The following MCTP1 variants were observed in gnomAD, a reference collection of about 807,000 sequenced individuals.
The protein encoded by MCTP1 is multiple C2 and transmembrane domain containing 1.
In MCTP1, 69 loss-of-function variants were observed where a neutral mutation model predicts 120.6. The ratio of observed to expected loss-of-function variants is 0.57; its 90% CI spans 0.47 to 0.70. The LOEUF is 0.70. Ranked by LOEUF, MCTP1 falls within the 30% of genes least tolerant of loss-of-function variation. The pLI is 0.00. For missense variants in MCTP1, 1,203 were observed against 1,248.8 expected (o/e 0.96, Z 0.55); for synonymous variants, 529 against 493.1 (o/e 1.07, Z -0.96).
intron 18 of MCTP1, among the ~76,000 whole-genome samples, chr5:94,797,094 C>T (rs978788064): frequency 6.6e-6 from 1 of 152,000 alleles, no homozygotes. Flanking sequence ...ATATGATATG[C>T]AATTTTTCAA....
At chr5:95,081,721 T>C in intron 1 of MCTP1, 2 of 1,253,166 alleles carry the variant, frequency 1.6e-6, no homozygotes, top group Non-Finnish European at 2.0e-6. Flanking sequence ...CTCAAACCAG[T>C]AAGGGAAGAG....
chr5:94,860,800 A>G (rs1795638372), intron 17 of MCTP1, among the ~76,000 whole-genome samples: 1 of 151,752 alleles, frequency 6.6e-6, no homozygotes, highest in African/African-American at 2.4e-5. Flanking sequence ...CTAAAGCTCA[A>G]TATCCCCTGA....
At chr5:95,009,710 C>T (rs1835539402) in intron 2 of MCTP1, among the ~76,000 whole-genome samples, 1 of 152,100 alleles carries the variant, frequency 6.6e-6, no homozygotes, top group Non-Finnish European at 1.5e-5. Flanking sequence ...GTGTATCTTA[C>T]TCAAAGTCAC....
At chr5:94,896,109 C>T (rs1256776776) in intron 10 of MCTP1, among the ~76,000 whole-genome samples, 1 of 152,064 alleles carries the variant, frequency 6.6e-6, no homozygotes, top group Non-Finnish European at 1.5e-5. Flanking sequence ...CATATCACAT[C>T]CCTTATCTCA....
chr5:95,062,439 T>C (rs190409213), intron 1 of MCTP1, among the ~76,000 whole-genome samples: 90 of 152,338 alleles, frequency 5.9e-4, no homozygotes, highest in Non-Finnish European at 8.2e-4. Flanking sequence ...TCAAGCAGCA[T>C]GAAGTCCAGT....
At chr5:95,233,239 CT>C (rs931230757) in intron 1 of MCTP1, among the ~76,000 whole-genome samples, 3 of 152,056 alleles carry the variant, frequency 2.0e-5, no homozygotes, top group African/African-American at 7.2e-5. Context: ...ACAAAAGATA[CT>C]GTCTAATCAC....
Position 95,284,514 on chromosome 5 carries a change from T to C in MCTP1, c.62A>G (p.Gln21Arg), listed in dbSNP as rs781036316. Reference sequence around the variant, plus strand: ...CTGCAGGTTCTTCCAGAGCCGGGCCTGGAAGGAGGAGGACGCCGCCGGCGG... The same window carrying C: ...CTGCAGGTTCTTCCAGAGCCGGGCCCGGAAGGAGGAGGACGCCGCCGGCGG... ...PEPPAASSSFQARLWKNLQLG... is the reference protein window; with the variant it reads ...PEPPAASSSFRARLWKNLQLG... Residue 21 changes from glutamine (Q) to arginine (R), a missense_variant, in exon 1 of 23, where the codon CAG (glutamine) becomes CGG (arginine). Physicochemically the swap from Gln to Arg is conservative, Grantham distance 43. Transcript: ENST00000515393. The surrounding 1 kb of genome is among the most constrained non-coding windows in gnomAD (Gnocchi z 5.2). 4.0e-5 allele frequency: 60 copies of C among 1,501,780 alleles called. No homozygotes were observed. Among genetic ancestry groups the C allele is most frequent in the Non-Finnish European group, 5.1e-5 (58 of 1,134,364 alleles). 93.0% of individuals were successfully genotyped at this position (1,501,780 alleles called of 1,614,324 possible).
intron 1 of MCTP1, among the ~76,000 whole-genome samples, chr5:95,237,782 G>A (rs1307457100): frequency 2.0e-5 from 3 of 151,872 alleles, no homozygotes; most frequent in African/African-American, 7.3e-5. Context: ...GCTTTATTCT[G>A]TGAAACATCT....
intron 1 of MCTP1, among the ~76,000 whole-genome samples, chr5:95,143,095 A>G (rs1334652875): frequency 6.6e-6 from 1 of 152,344 alleles, no homozygotes; most frequent in East Asian, 1.9e-4. Context: ...CACCAAAGAC[A>G]GTTACCATGT....
chr5:95,046,118 C>T (rs1054298547), intron 1 of MCTP1, among the ~76,000 whole-genome samples: 14 of 152,076 alleles, frequency 9.2e-5, no homozygotes, highest in Admixed American at 7.9e-4. Flanking sequence ...CATTGTGAGC[C>T]GATGAACTCT....
intron 19 of MCTP1, among the ~76,000 whole-genome samples, chr5:94,756,162 C>A (rs765057162): frequency 2.0e-5 from 3 of 152,198 alleles, no homozygotes; most frequent in Non-Finnish European, 4.4e-5. Flanking sequence ...ATCCCTACAA[C>A]AACCCTATGA....
intron 1 of MCTP1, among the ~76,000 whole-genome samples, chr5:95,246,842 C>T (rs766226329): frequency 1.3e-5 from 2 of 152,142 alleles, no homozygotes; most frequent in Non-Finnish European, 2.9e-5. Flanking sequence ...GGATATTGGC[C>T]TAAGATTCTC....
At chr5:95,222,590 T>C (rs1380719481) in intron 1 of MCTP1, among the ~76,000 whole-genome samples, 2 of 152,258 alleles carry the variant, frequency 1.3e-5, no homozygotes, top group East Asian at 1.9e-4. Flanking sequence ...TTCTGCTTCA[T>C]GGTTTTACAG....
At chr5:95,251,950 C>A (rs1325979420) in intron 1 of MCTP1, among the ~76,000 whole-genome samples, 1 of 152,028 alleles carries the variant, frequency 6.6e-6, no homozygotes, top group Non-Finnish European at 1.5e-5. Context: ...CAGAAAACTT[C>A]TCCACAAAGG....
chr5:94,802,055 A>G (rs2032750828), intron 17 of MCTP1, among the ~76,000 whole-genome samples: 1 of 152,222 alleles, frequency 6.6e-6, no homozygotes, highest in African/African-American at 2.4e-5. Context: ...GATTGGAGAA[A>G]GACACAGAAG....
rs1224323959 is a variant in MCTP1 at position 95,061,422 on chromosome 5, T to G, written c.721-43938A>C. 3.3e-3 allele frequency among the ~76,000 whole-genome samples: 102 copies of G among 30,490 alleles called. 14 individuals carry two copies. The highest frequency in any genetic ancestry group is 4.7e-3 in the Admixed American group (13 of 2,788). The allele number at this position is 30,490 out of a possible 152,430, so 20.0% of individuals were successfully genotyped here. ...ACCCCTTAAGGGTTTTTTTTTTTTT[T>G]TTTTTTTTTTTTTTTTTTTTTTTTT... On this transcript the variant is annotated intron_variant, in intron 1 of 22. Coordinates refer to ENST00000515393, the MANE Select transcript of MCTP1 (RefSeq NM_024717.7).
intron 1 of MCTP1, among the ~76,000 whole-genome samples, chr5:95,108,827 A>T (rs1445571722): frequency 6.6e-6 from 1 of 152,240 alleles, no homozygotes; most frequent in Non-Finnish European, 1.5e-5. Context: ...GAATCCACAC[A>T]GCCTTAAAAG....
intron 19 of MCTP1, among the ~76,000 whole-genome samples, chr5:94,769,094 G>A (rs1773477819): frequency 6.6e-6 from 1 of 152,036 alleles, no homozygotes; most frequent in Admixed American, 6.6e-5. Context: ...CAGCAATGTG[G>A]GTGGGACTTG....
chr5:95,174,979 T>C (rs1276259681), intron 1 of MCTP1, among the ~76,000 whole-genome samples: 1 of 152,148 alleles, frequency 6.6e-6, no homozygotes, highest in East Asian at 1.9e-4. Flanking sequence ...ACATTTATTA[T>C]ATTGGCACAA....
Sources: gnomAD v4.1 joint callset for allele counts (sites outside exome capture counted in the v4.1 genomes callset) on GRCh38, gnomAD v4.1.1 for gene constraint, Gnocchi (gnomAD v3.1) non-coding constraint, MANE v1.5 for transcripts, NCBI Gene and HGNC (gene_info 2026-07-23, HGNC 2026-07-21) for gene names.